The following CAMTA1 variants were observed in gnomAD, a reference collection of about 807,000 sequenced individuals.
CAMTA1 encodes the protein calmodulin-binding transcription activator 1.
CAMTA1 carries 27 observed loss-of-function variants against 170.9 expected under a neutral mutation model. The observed-to-expected ratio is 0.16, with a 90% CI of 0.12 to 0.22. CAMTA1 has a LOEUF of 0.22. CAMTA1 is among the 10% of genes least tolerant of loss of function. CAMTA1 has a pLI of 1.00. For synonymous variants in CAMTA1, 833 were observed against 891.5 expected, an observed-to-expected ratio of 0.93 and a Z score of 1.17; for missense variants, 1,619 against 2,217.2, an observed-to-expected ratio of 0.73 and a Z score of 5.42.
At chr1:7,529,296 C>A (rs1001178948) in intron 6 of CAMTA1, among the ~76,000 whole-genome samples, 1 of 151,986 alleles carries the variant, frequency 6.6e-6, no homozygotes, top group Admixed American at 6.6e-5. Context: ...CCACCTGCTT[C>A]TCTGCATGGC....
chr1:7,132,048 T>TACACAC (rs70984054), intron 4 of CAMTA1, among the ~76,000 whole-genome samples: 11 of 149,732 alleles, frequency 7.3e-5, no homozygotes, highest in African/African-American at 2.5e-4. Context: ...GTGACTCTGT[T>TACACAC]ACACACACAC....
chr1:7,239,017 G>A lies in CAMTA1; in HGVS notation c.303-10474G>A, dbSNP rs935030649. Among the ~76,000 whole-genome samples, 18 of 152,188 alleles carry A rather than the reference G, an allele frequency of 1.2e-4. 1 individual carries two copies. Among genetic ancestry groups the A allele is most frequent in the African/African-American group, 4.3e-4 (18 of 41,432 alleles). On this transcript the variant is annotated intron_variant, in intron 4 of 22. Coordinates refer to ENST00000303635, the MANE Select transcript of CAMTA1 (RefSeq NM_015215.4). The stretch of plus-strand genomic sequence containing the variant: ...GAAGGACAATTTTATATCAGTGCCC[G>A]CTATTTGGTAAGCACTCAATAATTG...
chr1:7,180,241 C>T (rs1266846375), intron 4 of CAMTA1, among the ~76,000 whole-genome samples: 1 of 151,872 alleles, frequency 6.6e-6, no homozygotes, highest in Non-Finnish European at 1.5e-5. Context: ...GTGTCACGTT[C>T]CTGTAATCCC....
chr1:7,015,691 T>C (rs913376559), intron 3 of CAMTA1, among the ~76,000 whole-genome samples: 4 of 152,188 alleles, frequency 2.6e-5, no homozygotes, highest in Admixed American at 2.0e-4. Flanking sequence ...TACCTGAGAC[T>C]GGGCAATTTA....
intron 4 of CAMTA1, among the ~76,000 whole-genome samples, chr1:7,200,807 T>G (rs1656539003): frequency 6.6e-6 from 1 of 152,220 alleles, no homozygotes; most frequent in Non-Finnish European, 1.5e-5. Flanking sequence ...TTTTTTCTAA[T>G]TAATAAGTAT....
intron 1 of CAMTA1, chr1:6,807,096 C>A: frequency 1.6e-6 from 1 of 617,350 alleles, no homozygotes; most frequent in African/African-American, 1.8e-5. Context: ...AAGGTGCGTG[C>A]AATATGTCAT....
chr1:7,515,962 T>C (rs1018876042), intron 6 of CAMTA1, among the ~76,000 whole-genome samples: 1 of 152,220 alleles, frequency 6.6e-6, no homozygotes, highest in East Asian at 1.9e-4. Flanking sequence ...TCTCAGGGAC[T>C]GATGTCCCCT....
At position 7,147,305 on chromosome 1, in the gene CAMTA1, TC is replaced by T. The variant is rs199916524; in HGVS notation, c.302+55937del. On this transcript the variant is annotated intron_variant, in intron 4 of 22. Transcript: ENST00000303635. The stretch of plus-strand genomic sequence containing the variant: ...TGGGTGTGGTGGTGAGCACCTATAG[TC>T]CCAGCTACTTGGGAGGCTGAGGCAG... Among the ~76,000 whole-genome samples the T allele has an allele frequency of 9.2e-3, 1,390 of 151,888 alleles. 31 individuals are homozygous for T. Among genetic ancestry groups the T allele is most frequent in the African/African-American group, 0.032 (1,322 of 41,372 alleles).
intron 6 of CAMTA1, among the ~76,000 whole-genome samples, chr1:7,625,208 T>C (rs1205462494): frequency 6.6e-6 from 1 of 152,152 alleles, no homozygotes; most frequent in East Asian, 1.9e-4. Flanking sequence ...AGTGCCTGGC[T>C]CAAAGGCAGA....
chr1:6,958,696 C>T (rs967990289), intron 3 of CAMTA1, among the ~76,000 whole-genome samples: 1 of 152,206 alleles, frequency 6.6e-6, no homozygotes, highest in African/African-American at 2.4e-5. Context: ...CAGCCTAGTC[C>T]ACCACCCCTC....
intron 4 of CAMTA1, among the ~76,000 whole-genome samples, chr1:7,100,364 C>A (rs1374581688): frequency 6.6e-6 from 1 of 152,166 alleles, no homozygotes; most frequent in South Asian, 2.1e-4. Context: ...CTTAGTCCTC[C>A]CTGTGAGCCC....
intron 5 of CAMTA1, among the ~76,000 whole-genome samples, chr1:7,427,762 A>G (rs370764638): frequency 3.3e-5 from 5 of 152,180 alleles, no homozygotes; most frequent in African/African-American, 1.2e-4. Context: ...CCGCCCAGGG[A>G]CGAGGCGCAA....
rs117713887 is a variant in CAMTA1, at chr1:7,372,460, G to A, written c.439-95370G>A. Among the ~76,000 whole-genome samples, 26 of 152,250 alleles carry A rather than the reference G, an allele frequency of 1.7e-4. No homozygotes were observed. In the East Asian group the frequency reaches 2.5e-3, roughly 15 times the overall value. ...AAAAGTATCCACATCCTACCCCACC[G>A]TCTAGTCGAGCTGCACGTCTTTCCT... On this transcript the variant is annotated intron_variant, in intron 5 of 22. Transcript: ENST00000303635.
intron 3 of CAMTA1, among the ~76,000 whole-genome samples, chr1:7,080,063 G>A (rs1639810999): frequency 1.3e-5 from 2 of 152,112 alleles, no homozygotes; most frequent in Non-Finnish European, 2.9e-5. Context: ...ACATTTTATT[G>A]TATGTAAATT....
intron 5 of CAMTA1, among the ~76,000 whole-genome samples, chr1:7,270,523 T>C (rs1669642929): frequency 6.6e-6 from 1 of 152,098 alleles, no homozygotes; most frequent in South Asian, 2.1e-4. Context: ...CTCAAACTCC[T>C]GACCTCAGGT....
chr1:7,399,589 G>A (rs1271458268), intron 5 of CAMTA1, among the ~76,000 whole-genome samples: 2 of 152,170 alleles, frequency 1.3e-5, no homozygotes, highest in African/African-American at 4.8e-5. Flanking sequence ...GCTTTCATAT[G>A]TTTCACAATA....
chr1:7,666,531 G>A (rs758843854), intron 9 of CAMTA1, among the ~76,000 whole-genome samples: 25 of 152,202 alleles, frequency 1.6e-4, no homozygotes, highest in Non-Finnish European at 3.5e-4. Context: ...CACAGGAAGG[G>A]GACAGAGTGG....
At chr1:7,212,197 G>A (rs1658897727) in intron 4 of CAMTA1, among the ~76,000 whole-genome samples, 1 of 152,050 alleles carries the variant, frequency 6.6e-6, no homozygotes, top group African/African-American at 2.4e-5. Flanking sequence ...CTCTGGTTAT[G>A]TTATTCTTGG....
At chr1:7,567,777 T>C (rs960567415) in intron 6 of CAMTA1, among the ~76,000 whole-genome samples, 2 of 152,196 alleles carry the variant, frequency 1.3e-5, no homozygotes, top group African/African-American at 4.8e-5. Context: ...TTCAAGTCTG[T>C]GCCATGTATT....
Sources: gnomAD v4.1 joint callset for allele counts (sites outside exome capture counted in the v4.1 genomes callset) on GRCh38, gnomAD v4.1.1 for gene constraint, MANE v1.5 for transcripts, NCBI Gene and HGNC (gene_info 2026-07-23, HGNC 2026-07-21) for gene names.